The following HIRA variants were observed in gnomAD, a reference collection of about 807,000 sequenced individuals.
The protein encoded by HIRA is histone cell cycle regulator, also known as protein HIRA.
A neutral mutation model predicts 126.6 loss-of-function variants in HIRA; 13 were observed. That is an observed-to-expected ratio of 0.10 (90% CI 0.07 to 0.16). The LOEUF (loss-of-function observed/expected upper bound fraction) is 0.16, where lower values mean the gene tolerates loss of function less well. HIRA is among the 10% of genes least tolerant of loss of function. The probability of loss-of-function intolerance (pLI) is 1.00; values close to 1 mark genes in which losing one functional copy is unlikely to be tolerated. For missense variants in HIRA, 834 were observed against 1,314.4 expected (o/e 0.63, Z 5.65); for synonymous variants, 511 against 520.0 (o/e 0.98, Z 0.24).
intron 15 of HIRA, among the ~76,000 whole-genome samples, chr22:19,371,008 T>C (rs1266457841): frequency 6.6e-6 from 1 of 152,198 alleles, no homozygotes; most frequent in African/African-American, 2.4e-5. Context: ...CCTCCTGGCT[T>C]CTCATTCAGG....
chr22:19,355,079 T>C (rs971060726), intron 21 of HIRA, among the ~76,000 whole-genome samples: 2 of 152,076 alleles, frequency 1.3e-5, no homozygotes, highest in Non-Finnish European at 1.5e-5. Context: ...ATTTTTTTTT[T>C]CCAAATTCAA....
chr22:19,424,212 A>G (rs926186372), intron 1 of HIRA, among the ~76,000 whole-genome samples: 4 of 152,222 alleles, frequency 2.6e-5, no homozygotes, highest in African/African-American at 9.7e-5. Flanking sequence ...GGTGTCTAAT[A>G]GAACTCCAGT....
At position 19,387,357 on chromosome 22, in the gene HIRA, A is replaced by G. The variant is rs751565618; in HGVS notation, c.1113+354T>C. On this transcript the variant is annotated intron_variant, in intron 11 of 24. Transcript: ENST00000263208. ...AGACAATGCGTTCTAAGAAATGACC[A>G]ATATTACTACCATGAAGGTGAAAGT... is the stretch of plus-strand genomic sequence containing the variant. 5.3e-5 allele frequency among the ~76,000 whole-genome samples: 8 copies of G among 152,290 alleles called. No homozygotes were observed. In the South Asian group the frequency reaches 1.0e-3, roughly 20 times the overall value.
At chr22:19,382,127 AC>A (rs2089079263) in intron 13 of HIRA, among the ~76,000 whole-genome samples, 1 of 152,150 alleles carries the variant, frequency 6.6e-6, no homozygotes. Flanking sequence ...GCTAATAAGG[AC>A]CTATCCTGTT....
intron 24 of HIRA, among the ~76,000 whole-genome samples, chr22:19,348,598 T>C (rs1202117568): frequency 6.6e-6 from 1 of 151,348 alleles, no homozygotes; most frequent in African/African-American, 2.4e-5. Flanking sequence ...TGGGTTCAAG[T>C]GATTCTCCTG....
intron 9 of HIRA, among the ~76,000 whole-genome samples, chr22:19,390,494 C>T (rs1160328819): frequency 6.8e-6 from 1 of 147,516 alleles, no homozygotes; most frequent in Non-Finnish European, 1.5e-5. Flanking sequence ...GAGGCTGAGG[C>T]AGGAGAATCT....
Position 19,331,115 on chromosome 22 carries a change from G to A in HIRA, c.*325C>T. The A allele has an allele frequency of 7.9e-7, 1 of 1,267,322 alleles. No homozygotes were observed. Among genetic ancestry groups the A allele is most frequent in the Non-Finnish European group, 1.0e-6 (1 of 981,044 alleles). The allele number at this position is 1,267,322 out of a possible 1,614,324, so 78.5% of individuals were successfully genotyped here. A position where few individuals can be genotyped will look rare whatever the true frequency, so the allele number is the denominator to read the frequency against. The stretch of plus-strand genomic sequence containing the variant: ...GCAGCATGGTGCCTGCAGCAGCAGG[G>A]GCTAGTGTCCACCTTGGGGCCGTGC... On this transcript the variant is annotated 3_prime_UTR_variant, in exon 25 of 25. Coordinates refer to ENST00000263208, the MANE Select transcript of HIRA (RefSeq NM_003325.4).
At chr22:19,363,822 TG>T (rs2088887662) in intron 15 of HIRA, among the ~76,000 whole-genome samples, 1 of 152,068 alleles carries the variant, frequency 6.6e-6, no homozygotes, top group East Asian at 1.9e-4. Flanking sequence ...TGCTTGAACC[TG>T]GGAGGCGGAG....
chr22:19,409,264 T>A (rs2089331797), intron 2 of HIRA, among the ~76,000 whole-genome samples: 1 of 151,578 alleles, frequency 6.6e-6, no homozygotes, highest in African/African-American at 2.4e-5. Flanking sequence ...AATATACCCA[T>A]GCCTTTTAGT....
At chr22:19,423,062 C>G (rs1262901430) in intron 1 of HIRA, among the ~76,000 whole-genome samples, 1 of 152,172 alleles carries the variant, frequency 6.6e-6, no homozygotes, top group Non-Finnish European at 1.5e-5. Context: ...TTCCTTCACT[C>G]CTTCAATGGT....
At chr22:19,388,141 A>G (rs1019002173) in intron 10 of HIRA, among the ~76,000 whole-genome samples, 1 of 152,238 alleles carries the variant, frequency 6.6e-6, no homozygotes, top group South Asian at 2.1e-4. Context: ...GTATACATAT[A>G]AATCAGGTCA....
intron 9 of HIRA, 101 bp from the exon 10 acceptor site, chr22:19,388,655 C>T: frequency 1.2e-6 from 1 of 866,864 alleles, no homozygotes; most frequent in Non-Finnish European, 1.9e-6. Flanking sequence ...GTCAAAGTGG[C>T]TGCTGATATT....
intron 18 of HIRA, 69 bp from the exon 19 acceptor site, chr22:19,357,120 G>A: frequency 6.4e-7 from 1 of 1,565,242 alleles, no homozygotes; most frequent in African/African-American, 1.3e-5. Context: ...AGCCCTGGAA[G>A]TGTGGGCCTT....
intron 15 of HIRA, among the ~76,000 whole-genome samples, chr22:19,362,383 T>C (rs1601818371): frequency 6.6e-6 from 1 of 152,150 alleles, no homozygotes; most frequent in Non-Finnish European, 1.5e-5. Context: ...ACCAATGTCA[T>C]AGGGCATGGA....
At chr22:19,342,089 TCAAA>T (rs2088635390) in intron 24 of HIRA, among the ~76,000 whole-genome samples, 1 of 151,966 alleles carries the variant, frequency 6.6e-6, no homozygotes, top group South Asian at 2.1e-4. Flanking sequence ...TACAAGGAAC[TCAAA>T]CAAATCAGCA....
intron 15 of HIRA, among the ~76,000 whole-genome samples, chr22:19,373,373 C>T (rs899510764): frequency 1.3e-5 from 2 of 152,122 alleles, no homozygotes; most frequent in Non-Finnish European, 2.9e-5. Context: ...TTTATAGAAA[C>T]CTAAGTCTCC....
intron 5 of HIRA, among the ~76,000 whole-genome samples, chr22:19,402,930 A>AC (rs2089280416): frequency 6.6e-6 from 1 of 151,664 alleles, no homozygotes; most frequent in Non-Finnish European, 1.5e-5. Context: ...ACATAGTGAA[A>AC]CCCCATCTCT....
chr22:19,414,505 C>G (rs2089379361), intron 1 of HIRA, among the ~76,000 whole-genome samples: 1 of 152,130 alleles, frequency 6.6e-6, no homozygotes, highest in African/African-American at 2.4e-5. Flanking sequence ...CTTTTATGTT[C>G]TGATAGTTCA....
chr22:19,364,192 A>G (rs940677580), intron 15 of HIRA, among the ~76,000 whole-genome samples: 6 of 152,138 alleles, frequency 3.9e-5, no homozygotes, highest in African/African-American at 1.4e-4. Context: ...GGAGAAAGAC[A>G]TGCCATGATA....
Sources: allele counts gnomAD v4.1 joint callset (sites outside exome capture counted in the v4.1 genomes callset), GRCh38; gene constraint gnomAD v4.1.1; transcripts MANE v1.5; gene names NCBI Gene and HGNC (gene_info 2026-07-23, HGNC 2026-07-21).